CMC1: variants seen among roughly 807,000 people sequenced by gnomAD.
The protein encoded by CMC1 is COX assembly mitochondrial protein homolog.
CMC1 carries 14 observed loss-of-function variants against 14.1 expected under a neutral mutation model. The observed-to-expected ratio is 0.99, with a 90% CI of 0.66 to 1.55. CMC1 has a LOEUF of 1.55. CMC1 is among the 40% of genes most tolerant of loss of function. CMC1 has a pLI of 0.00. For synonymous variants in CMC1, 50 were observed against 38.4 expected (o/e 1.30, Z -1.12); for missense variants, 127 against 123.8 (o/e 1.03, Z -0.12).
At position 28,316,525 on chromosome 3, in the gene CMC1, C is replaced by G. The variant is rs1021629340; in HGVS notation, c.200+102C>G. The stretch of plus-strand genomic sequence containing the variant: ...GTAATATATTCTGTACCTCTCCATA[C>G]CAAATTTATCATATTGTTGGCTGAG... On this transcript the variant is annotated intron_variant, in intron 3 of 3. Transcript: ENST00000466830. The G allele has an allele frequency of 2.5e-5, 12 of 486,598 alleles. No homozygotes were observed. In the Admixed American group the frequency reaches 4.0e-4, roughly 16 times the overall value. The allele number at this position is 486,598 out of a possible 1,614,324, so 30.1% of individuals were successfully genotyped here.
chr3:28,260,785 G>T (rs894133272), intron 1 of CMC1, among the ~76,000 whole-genome samples: 2 of 151,904 alleles, frequency 1.3e-5, no homozygotes, highest in African/African-American at 4.8e-5. Context: ...TTGATATATT[G>T]TGTTTTTATT....
intron 2 of CMC1, among the ~76,000 whole-genome samples, chr3:28,282,531 A>G (rs1700954753): frequency 6.6e-6 from 1 of 152,228 alleles, no homozygotes; most frequent in South Asian, 2.1e-4. Flanking sequence ...AATCAAAGCT[A>G]AAGAAATATG....
intron 1 of CMC1, among the ~76,000 whole-genome samples, chr3:28,248,763 C>G (rs952094407): frequency 1.3e-5 from 2 of 152,130 alleles, no homozygotes; most frequent in Non-Finnish European, 2.9e-5. Context: ...TTAACATTCT[C>G]CCCGACAATC....
chr3:28,244,906 A>G (rs1182237417), intron 1 of CMC1, among the ~76,000 whole-genome samples: 1 of 151,502 alleles, frequency 6.6e-6, no homozygotes, highest in Non-Finnish European at 1.5e-5. Context: ...TTTTTCCCTA[A>G]ATTGTTTTGT....
intron 2 of CMC1, among the ~76,000 whole-genome samples, chr3:28,276,885 A>T (rs887071225): frequency 1.3e-5 from 2 of 152,222 alleles, no homozygotes; most frequent in Admixed American, 1.3e-4. Context: ...GTCTGGGGAC[A>T]GAATTTGCTT....
At chr3:28,246,218 A>G (rs1173197860) in intron 1 of CMC1, among the ~76,000 whole-genome samples, 5 of 152,126 alleles carry the variant, frequency 3.3e-5, no homozygotes, top group Non-Finnish European at 1.5e-5. Flanking sequence ...TACATTTTGT[A>G]TATTTATAAA....
chr3:28,255,532 C>A (rs1366174204), intron 1 of CMC1, among the ~76,000 whole-genome samples: 1 of 151,958 alleles, frequency 6.6e-6, no homozygotes, highest in African/African-American at 2.4e-5. Context: ...AGGCATGAAC[C>A]ACTGTGCCCG....
intron 2 of CMC1, among the ~76,000 whole-genome samples, chr3:28,284,489 T>C (rs908167555): frequency 6.6e-6 from 1 of 152,204 alleles, no homozygotes; most frequent in Admixed American, 6.5e-5. Context: ...AGTGCACATG[T>C]TTCTCTCCAC....
chr3:28,244,750 G>A (rs528543263), intron 1 of CMC1, among the ~76,000 whole-genome samples: 2 of 151,976 alleles, frequency 1.3e-5, no homozygotes, highest in South Asian at 4.2e-4. Flanking sequence ...GAGGAAATAG[G>A]GATAATTCCA....
intron 2 of CMC1, among the ~76,000 whole-genome samples, chr3:28,293,128 A>G (rs1329009599): frequency 6.6e-6 from 1 of 152,132 alleles, no homozygotes; most frequent in Non-Finnish European, 1.5e-5. Flanking sequence ...TAAGTGCAGT[A>G]GTTCTATTAC....
At chr3:28,250,173 A>G (rs1559398433) in intron 1 of CMC1, among the ~76,000 whole-genome samples, 1 of 152,214 alleles carries the variant, frequency 6.6e-6, no homozygotes, top group Non-Finnish European at 1.5e-5. Flanking sequence ...ACTCATGCCA[A>G]CCACTGATCT....
In CMC1 at chr3:28,274,212, G is replaced by GTTTTTTTTT. The variant is rs376321066; in HGVS notation, c.109+10839_109+10840insTTTTTTTTT. 2.1e-3 allele frequency among the ~76,000 whole-genome samples: 186 copies of GTTTTTTTTT among 88,074 alleles called. 11 individuals carry two copies. The highest frequency in any genetic ancestry group is 5.7e-3 in the Middle Eastern group (1 of 174). The allele number at this position is 88,074 out of a possible 152,430, so 57.8% of individuals were successfully genotyped here. A position where few individuals can be genotyped will look rare whatever the true frequency, so the allele number is the denominator to read the frequency against. ...TTGGTCTTTGTACTAAAGTGTTTTT[G>GTTTTTTTTT]TTTTTTTCTTTTTTTTTTTTTTTGC... On this transcript the variant is annotated intron_variant, in intron 2 of 3. Transcript: ENST00000466830.
chr3:28,309,821 C>CCCCACACACA (rs748593868), intron 2 of CMC1, among the ~76,000 whole-genome samples: 3 of 131,878 alleles, frequency 2.3e-5, no homozygotes, highest in African/African-American at 8.9e-5. Context: ...CTGATATTTA[C>CCCCACACACA]CACACACACA....
intron 2 of CMC1, 188 bp from the exon 3 acceptor site, chr3:28,316,142 GCAC>G: frequency 2.5e-6 from 1 of 397,048 alleles, no homozygotes. Flanking sequence ...CTTTTGTTGA[GCAC>G]GGTACCATGT....
chr3:28,309,814 A>G (rs1702528771), intron 2 of CMC1, among the ~76,000 whole-genome samples: 1 of 133,918 alleles, frequency 7.5e-6, no homozygotes, highest in Admixed American at 7.9e-5. Flanking sequence ...CCTGCAGCTG[A>G]TATTTACCAC....
chr3:28,296,240 TCACCA>T (rs1701734435), intron 2 of CMC1, among the ~76,000 whole-genome samples: 1 of 152,068 alleles, frequency 6.6e-6, no homozygotes, highest in Non-Finnish European at 1.5e-5. Flanking sequence ...GGTTTGTTGA[TCACCA>T]TTGTAACCAT....
chr3:28,312,507 C>T (rs966161891), intron 2 of CMC1, among the ~76,000 whole-genome samples: 1 of 152,146 alleles, frequency 6.6e-6, no homozygotes, highest in African/African-American at 2.4e-5. Context: ...GAACTATCTG[C>T]TATTTCTAGT....
At chr3:28,300,627 C>T (rs867754109) in intron 2 of CMC1, among the ~76,000 whole-genome samples, 1 of 128,508 alleles carries the variant, frequency 7.8e-6, no homozygotes, top group Non-Finnish European at 1.6e-5. Flanking sequence ...CCCTCCCTCC[C>T]TCCATCCCTT....
chr3:28,265,863 A>G (rs17695097), intron 2 of CMC1, among the ~76,000 whole-genome samples: 4,837 of 152,306 alleles, frequency 0.032, 108 homozygotes, highest in Middle Eastern at 0.065. Context: ...CTAATTTGCT[A>G]GCATTAATTA....
Sources: allele counts gnomAD v4.1 joint callset (sites outside exome capture counted in the v4.1 genomes callset), GRCh38; gene constraint gnomAD v4.1.1; transcripts MANE v1.5; gene names NCBI Gene and HGNC (gene_info 2026-07-23, HGNC 2026-07-21).